The following MAML3 variants were observed in gnomAD, a reference collection of about 807,000 sequenced individuals.
MAML3 encodes mastermind like transcriptional coactivator 3, also known as mastermind-like protein 3.
A neutral mutation model predicts 101.9 loss-of-function variants in MAML3; 27 were observed. The observed-to-expected ratio is 0.27, with a 90% CI of 0.20 to 0.37. The LOEUF is 0.37. Ranked by LOEUF, MAML3 falls within the 10% of genes least tolerant of loss-of-function variation. The pLI, the probability that MAML3 is intolerant of heterozygous loss-of-function variation, is 1.00. For missense variants in MAML3, 1,316 were observed against 1,444.9 expected, an observed-to-expected ratio of 0.91 and a Z score of 1.45; for synonymous variants, 501 against 555.9, an observed-to-expected ratio of 0.90 and a Z score of 1.39.
intron 2 of MAML3, among the ~76,000 whole-genome samples, chr4:139,817,294 G>A (rs1056870179): frequency 1.3e-5 from 2 of 152,208 alleles, no homozygotes; most frequent in Non-Finnish European, 2.9e-5. Flanking sequence ...ATCTCCATTT[G>A]TTGGCTCAGG....
chr4:140,092,076 G>GTATATATATATATATATATA (rs367672054), intron 1 of MAML3, among the ~76,000 whole-genome samples: 1 of 64,022 alleles, frequency 1.6e-5, no homozygotes, highest in African/African-American at 3.9e-5. Context: ...ATATATATAC[G>GTATATATATATATATATATA]TATATATATA....
Position 139,999,483 on chromosome 4 carries a change from G to A in MAML3, c.469-108516C>T, listed in dbSNP as rs114779431. ...TTCTAGTATAAATGCTTCCCCGATT[G>A]TCGTATGCCTTATTCAATTTCCAAA... On this transcript the variant is annotated intron_variant, in intron 1 of 4. Coordinates refer to ENST00000509479, the MANE Select transcript of MAML3 (RefSeq NM_018717.5). Among the ~76,000 whole-genome samples the A allele has an allele frequency of 5.2e-3, 794 of 152,262 alleles. 6 individuals are homozygous for A. Among genetic ancestry groups the A allele is most frequent in the African/African-American group, 0.017 (716 of 41,542 alleles).
chr4:140,112,546 A>G (rs1027570753), intron 1 of MAML3, among the ~76,000 whole-genome samples: 1 of 152,262 alleles, frequency 6.6e-6, no homozygotes, highest in African/African-American at 2.4e-5. Flanking sequence ...TTCTGGCCAC[A>G]CACAGCTGGG....
chr4:139,766,264 T>G (rs1475096402), intron 2 of MAML3, among the ~76,000 whole-genome samples: 1 of 152,048 alleles, frequency 6.6e-6, no homozygotes, highest in Non-Finnish European at 1.5e-5. Context: ...CTCCGCCTCC[T>G]GGGTTCAAGC....
chr4:140,069,577 G>A lies in MAML3; in HGVS notation c.468+83283C>T, dbSNP rs1210641689. ...GAGGAGGGGAGGAGGAGGAGGGGAG[G>A]AGGAGGAGGAGGAAGAGGAGGAGGA... On this transcript the variant is annotated intron_variant, in intron 1 of 4. Coordinates refer to ENST00000509479, the MANE Select transcript of MAML3 (RefSeq NM_018717.5). Among the ~76,000 whole-genome samples, 3 of 129,928 alleles carry A rather than the reference G, an allele frequency of 2.3e-5. No individual in the cohort carries two copies. In the East Asian group the frequency reaches 7.3e-4, roughly 32 times the overall value. The allele number at this position is 129,928 out of a possible 152,430, so 85.2% of individuals were successfully genotyped here.
intron 1 of MAML3, among the ~76,000 whole-genome samples, chr4:140,049,685 A>T (rs1253759610): frequency 6.6e-6 from 1 of 152,006 alleles, no homozygotes; most frequent in East Asian, 1.9e-4. Flanking sequence ...TTTTTTTAAA[A>T]GGACAGACTA....
chr4:139,872,864 G>T (rs1274395615), intron 2 of MAML3, among the ~76,000 whole-genome samples: 6 of 152,032 alleles, frequency 3.9e-5, no homozygotes, highest in Admixed American at 3.9e-4. Context: ...GATCACCTAA[G>T]GTCAGGAGTT....
rs114079505 is a variant in MAML3, at chr4:139,782,605, A to G, written c.2080-51938T>C. Among the ~76,000 whole-genome samples, 606 of 152,314 alleles carry G rather than the reference A, an allele frequency of 4.0e-3. 5 individuals carry two copies. Among genetic ancestry groups the G allele is most frequent in the African/African-American group, 0.013 (556 of 41,564 alleles). ...CAGGGCTCTTAGGAGGGCAATAGAC[A>G]TGCTAAATGGAGGTGGGCCTTCCTG... On this transcript the variant is annotated intron_variant, in intron 2 of 4. Coordinates refer to ENST00000509479, the MANE Select transcript of MAML3 (RefSeq NM_018717.5).
rs71606855 is a variant in MAML3 at position 139,742,523 on chromosome 4, C to T, written c.2080-11856G>A. Among the ~76,000 whole-genome samples the T allele has an allele frequency of 1.6e-3, 246 of 152,264 alleles. 1 individual carries two copies. Among genetic ancestry groups the T allele is most frequent in the Non-Finnish European group, 2.8e-3 (191 of 68,016 alleles). ...TCAGCAGTGCTTGGCTTATAGTAGGCGCTCATAAAGGTTTGCTCTTAGTAT... is the reference window on the plus strand; with the variant it reads ...TCAGCAGTGCTTGGCTTATAGTAGGTGCTCATAAAGGTTTGCTCTTAGTAT... On this transcript the variant is annotated intron_variant, in intron 2 of 4. Transcript: ENST00000509479.
chr4:140,044,706 G>A (rs1034880771), intron 1 of MAML3, among the ~76,000 whole-genome samples: 3 of 152,180 alleles, frequency 2.0e-5, no homozygotes, highest in Non-Finnish European at 4.4e-5. Flanking sequence ...GAAAGGGCAA[G>A]AAATGGTAAA....
At chr4:139,896,359 A>G (rs887103356) in intron 1 of MAML3, among the ~76,000 whole-genome samples, 5 of 152,224 alleles carry the variant, frequency 3.3e-5, no homozygotes, top group Admixed American at 2.6e-4. Flanking sequence ...CTCGTGGAAG[A>G]ATCACAGAAA....
At chr4:139,851,419 C>T (rs1229083036) in intron 2 of MAML3, among the ~76,000 whole-genome samples, 1 of 152,214 alleles carries the variant, frequency 6.6e-6, no homozygotes, top group Non-Finnish European at 1.5e-5. Context: ...AGTGCCAGTG[C>T]CCAAGGCTGT....
chr4:139,775,231 A>C (rs898093975), intron 2 of MAML3, among the ~76,000 whole-genome samples: 1 of 137,884 alleles, frequency 7.3e-6, no homozygotes, highest in Non-Finnish European at 1.7e-5. Flanking sequence ...GACTGCAGTT[A>C]CTCACACAAT....
intron 2 of MAML3, among the ~76,000 whole-genome samples, chr4:139,741,238 C>T (rs1211509493): frequency 6.6e-6 from 1 of 152,132 alleles, no homozygotes; most frequent in Admixed American, 6.5e-5. Flanking sequence ...TTGTGGCTGA[C>T]GACCAGCTTC....
intron 1 of MAML3, among the ~76,000 whole-genome samples, chr4:139,995,353 C>T (rs574907003): frequency 6.6e-5 from 10 of 152,236 alleles, no homozygotes; most frequent in Admixed American, 5.2e-4. Flanking sequence ...CTTGTAATAT[C>T]ATTGTCTGGC....
intron 2 of MAML3, among the ~76,000 whole-genome samples, chr4:139,851,687 A>G (rs1360684778): frequency 6.6e-6 from 1 of 152,228 alleles, no homozygotes; most frequent in East Asian, 1.9e-4. Context: ...TTTTGTGTAC[A>G]TGGCTTTAGG....
At chr4:139,771,173 A>C (rs1371267708) in intron 2 of MAML3, among the ~76,000 whole-genome samples, 2 of 152,186 alleles carry the variant, frequency 1.3e-5, no homozygotes, top group African/African-American at 4.8e-5. Context: ...TGCACATCAA[A>C]CGAGAAGCCC....
At chr4:140,050,125 A>G (rs570123513) in intron 1 of MAML3, among the ~76,000 whole-genome samples, 16 of 152,180 alleles carry the variant, frequency 1.1e-4, no homozygotes, top group Non-Finnish European at 2.2e-4. Context: ...CTCATTGCCA[A>G]TAACAACAAG....
At chr4:139,725,611 A>G (rs1473774150) in intron 4 of MAML3, 140 bp downstream of exon 4, 10 of 828,220 alleles carry the variant, frequency 1.2e-5, no homozygotes, top group Middle Eastern at 2.2e-4. Context: ...ATTGGTTAGT[A>G]CTCTTAACCT....
Sources: gnomAD v4.1 joint callset for allele counts (sites outside exome capture counted in the v4.1 genomes callset) on GRCh38, gnomAD v4.1.1 for gene constraint, MANE v1.5 for transcripts, NCBI Gene and HGNC (gene_info 2026-07-23, HGNC 2026-07-21) for gene names.